The following ANOS1 variants were observed in gnomAD, a reference collection of about 807,000 sequenced individuals.
ANOS1 encodes anosmin-1.
In ANOS1, 6 loss-of-function variants were observed where a neutral mutation model predicts 59.0. That is an observed-to-expected ratio of 0.10 (90% CI 0.06 to 0.20). The LOEUF is 0.20. ANOS1 is among the 10% of genes least tolerant of loss of function. The probability of loss-of-function intolerance (pLI) is 1.00; values close to 1 mark genes in which losing one functional copy is unlikely to be tolerated. For missense variants in ANOS1, 433 were observed against 542.3 expected, an observed-to-expected ratio of 0.80 and a Z score of 2.00; for synonymous variants, 217 against 223.4, an observed-to-expected ratio of 0.97 and a Z score of 0.25.
intron 2 of ANOS1, among the ~76,000 whole-genome samples, chrX:8,675,842 G>A (rs1248920646): frequency 1.9e-5 from 2 of 107,862 alleles, no homozygotes; most frequent in African/African-American, 6.8e-5. Flanking sequence ...CTATTTGTTT[G>A]GATGCTCTCC....
intron 2 of ANOS1, among the ~76,000 whole-genome samples, chrX:8,664,941 A>G (rs1458260314): frequency 8.9e-6 from 1 of 111,860 alleles, no homozygotes; most frequent in Non-Finnish European, 1.9e-5. Context: ...GTTTTTATGC[A>G]TATCGTCTCC....
At position 8,587,894 on chromosome X, in the gene ANOS1, T is replaced by C. The variant is rs746481142; in HGVS notation, c.626A>G (p.Asn209Ser). ...ATAGATCACAGGCTCAATAGAAATA[T>C]TGAATTTCGAGGACCACTTAACCTC... is the stretch of plus-strand genomic sequence containing the variant. ...QLEVKWSSKF[N>S]ISIEPVIYVV... Residue 209 changes from asparagine (N) to serine (S), a missense_variant, in exon 5 of 14, where the codon AAT becomes AGT. By Grantham distance (46) the Asn-to-Ser change is conservative. Coordinates refer to ENST00000262648, the MANE Select transcript of ANOS1 (RefSeq NM_000216.4). 5.8e-6 allele frequency: 7 copies of C among 1,205,801 alleles called. No homozygotes were observed. The highest frequency in any genetic ancestry group is 1.8e-5 in the South Asian group (1 of 56,463).
At chrX:8,659,257 A>G (rs1931986976) in intron 2 of ANOS1, among the ~76,000 whole-genome samples, 1 of 101,487 alleles carries the variant, frequency 9.9e-6, no homozygotes. Context: ...ACATCTATGT[A>G]TATATTAGTA....
chrX:8,668,610 T>C (rs1369878302), intron 2 of ANOS1, among the ~76,000 whole-genome samples: 1 of 105,932 alleles, frequency 9.4e-6, no homozygotes, highest in African/African-American at 3.4e-5. Context: ...TATCACAATT[T>C]CTTTATCCAC....
At chrX:8,697,343 T>C in intron 2 of ANOS1, among the ~76,000 whole-genome samples, 2 of 112,014 alleles carry the variant, frequency 1.8e-5, no homozygotes, top group Non-Finnish European at 1.9e-5. Context: ...TGGATTTTAG[T>C]CTGAGTGAGA....
At chrX:8,667,367 G>A (rs755451285) in intron 2 of ANOS1, among the ~76,000 whole-genome samples, 26 of 110,695 alleles carry the variant, frequency 2.3e-4, no homozygotes, top group East Asian at 1.1e-3. Flanking sequence ...TGCTATGTTG[G>A]CCAGCATGGA....
chrX:8,669,315 T>C (rs1932217124), intron 2 of ANOS1, among the ~76,000 whole-genome samples: 1 of 111,902 alleles, frequency 8.9e-6, no homozygotes, highest in South Asian at 3.8e-4. Flanking sequence ...TGCATGACTT[T>C]ATGCATTTGT....
In ANOS1 at chrX:8,575,994, A is replaced by G. The variant is rs777917986; in HGVS notation, c.857-5290T>C. Among the ~76,000 whole-genome samples the G allele has an allele frequency of 4.5e-5, 5 of 111,624 alleles. No individual in the cohort carries two copies. The South Asian group carries it at 1.9e-3, about 42-fold the overall frequency. ...CATGGTGTTGTGTGCCTGTTGTCCT[A>G]GCTACTCAGGAGGCTGAGGCAGGAG... On this transcript the variant is annotated intron_variant, in intron 6 of 13. Coordinates refer to ENST00000262648, the MANE Select transcript of ANOS1 (RefSeq NM_000216.4).
At chrX:8,589,742 G>A (rs1440516597) in intron 4 of ANOS1, among the ~76,000 whole-genome samples, 1 of 111,925 alleles carries the variant, frequency 8.9e-6, no homozygotes, top group East Asian at 2.8e-4. Flanking sequence ...GCATACTGCT[G>A]CTAAGCAAAT....
intron 2 of ANOS1, among the ~76,000 whole-genome samples, chrX:8,647,552 T>C (rs1387548235): frequency 8.9e-6 from 1 of 112,087 alleles, no homozygotes; most frequent in African/African-American, 3.2e-5. Flanking sequence ...GCACTAACAC[T>C]TGAAAATAAC....
Position 8,632,584 on chromosome X carries a change from T to C in ANOS1, c.256-8914A>G, listed in dbSNP as rs144445249. ...TTGCCCACATTTCCAAAAGCTAAGATTGAATGGTGTGGTAATATTCTGTGT... is the reference window on the plus strand; with the variant it reads ...TTGCCCACATTTCCAAAAGCTAAGACTGAATGGTGTGGTAATATTCTGTGT... On this transcript the variant is annotated intron_variant, in intron 2 of 13. Coordinates refer to ENST00000262648, the MANE Select transcript of ANOS1 (RefSeq NM_000216.4). Among the ~76,000 whole-genome samples, 347 of 111,759 alleles carry C rather than the reference T, an allele frequency of 3.1e-3. 1 individual carries two copies. Among genetic ancestry groups the C allele is most frequent in the African/African-American group, 0.01 (322 of 30,809 alleles).
intron 9 of ANOS1, among the ~76,000 whole-genome samples, chrX:8,550,959 G>C (rs931520210): frequency 1.8e-5 from 2 of 111,371 alleles, no homozygotes; most frequent in African/African-American, 6.5e-5. Context: ...TCATGGGGAC[G>C]AGGTTTTCCC....
At chrX:8,547,522 TA>T (rs1297935758) in intron 9 of ANOS1, among the ~76,000 whole-genome samples, 1 of 112,093 alleles carries the variant, frequency 8.9e-6, no homozygotes, top group Non-Finnish European at 1.9e-5. Context: ...CTATGAAGAA[TA>T]ATGTCTTATT....
chrX:8,659,335 C>T (rs1160910457), intron 2 of ANOS1, among the ~76,000 whole-genome samples: 2 of 110,878 alleles, frequency 1.8e-5, no homozygotes, highest in African/African-American at 6.6e-5. Flanking sequence ...TGAATGTGAC[C>T]AGGAAGTAGA....
At chrX:8,710,045 C>T (rs1932802866) in intron 1 of ANOS1, among the ~76,000 whole-genome samples, 1 of 111,341 alleles carries the variant, frequency 9.0e-6, no homozygotes, top group African/African-American at 3.3e-5. Flanking sequence ...ATTCTCCTTC[C>T]TCAGCTTCCC....
intron 6 of ANOS1, among the ~76,000 whole-genome samples, chrX:8,576,467 T>TATATATAC: frequency 1.0e-5 from 1 of 100,058 alleles, no homozygotes; most frequent in African/African-American, 3.7e-5. Flanking sequence ...TATATATATA[T>TATATATAC]ACACACACAC....
At chrX:8,651,715 C>T (rs969053276) in intron 2 of ANOS1, among the ~76,000 whole-genome samples, 2 of 112,087 alleles carry the variant, frequency 1.8e-5, no homozygotes, top group Non-Finnish European at 3.8e-5. Context: ...GGCACATTGC[C>T]GCCTTCCTAC....
At chrX:8,604,594 T>A (rs1051662303) in intron 3 of ANOS1, among the ~76,000 whole-genome samples, 2 of 111,859 alleles carry the variant, frequency 1.8e-5, no homozygotes, top group African/African-American at 6.5e-5. Flanking sequence ...AATAGCTCCA[T>A]CTACCCAGAT....
rs1240807441 is a variant in ANOS1, at chrX:8,732,122, G to A, written c.-86C>T. On this transcript the variant is annotated 5_prime_UTR_variant, in exon 1 of 14. Coordinates refer to ENST00000262648, the MANE Select transcript of ANOS1 (RefSeq NM_000216.4). ...GCCGGGGCTGCACTGCTGAGGACCA[G>A]GCAGACGCCGCGACTGAGCCGGAAA... 4.2e-6 allele frequency: 3 copies of A among 715,278 alleles called. No individual in the cohort carries two copies. Among genetic ancestry groups the A allele is most frequent in the Non-Finnish European group, 5.3e-6 (3 of 568,655 alleles). The allele number at this position is 715,278 out of a possible 1,213,427, so 58.9% of individuals were successfully genotyped here.
Sources: allele counts gnomAD v4.1 joint callset (sites outside exome capture counted in the v4.1 genomes callset), GRCh38; gene constraint gnomAD v4.1.1; transcripts MANE v1.5; gene names NCBI Gene and HGNC (gene_info 2026-07-23, HGNC 2026-07-21).